MKLN1: variants seen among roughly 807,000 people sequenced by gnomAD.
MKLN1 encodes the protein muskelin.
Under a neutral mutation model 99.0 loss-of-function variants are expected in MKLN1, and 18 were observed. That is an observed-to-expected ratio of 0.18 (90% CI 0.13 to 0.27). MKLN1 has a LOEUF of 0.27. Ranked by LOEUF, MKLN1 falls within the 10% of genes least tolerant of loss-of-function variation. The probability of loss-of-function intolerance (pLI) is 1.00; values close to 1 mark genes in which losing one functional copy is unlikely to be tolerated. For missense variants in MKLN1, 621 were observed against 875.9 expected, an observed-to-expected ratio of 0.71 and a Z score of 3.67; for synonymous variants, 288 against 293.2, an observed-to-expected ratio of 0.98 and a Z score of 0.18.
intron 3 of MKLN1, among the ~76,000 whole-genome samples, chr7:131,299,055 G>A (rs1798337416): frequency 6.6e-6 from 1 of 152,108 alleles, no homozygotes; most frequent in Non-Finnish European, 1.5e-5. Flanking sequence ...GATATTAGAT[G>A]AGTGCACAAA....
chr7:131,405,625 C>T (rs1686818199), intron 6 of MKLN1, among the ~76,000 whole-genome samples: 1 of 151,910 alleles, frequency 6.6e-6, no homozygotes, highest in South Asian at 2.1e-4. Flanking sequence ...TTTAGTTGTG[C>T]TATGAAGTAT....
chr7:131,487,863 C>G lies in MKLN1; in HGVS notation c.*135C>G. ...AGTTCTGAAGGGATCTTAACCATCA[C>G]AAGTTTTTACCCTCTTCCTTCATGC... On this transcript the variant is annotated 3_prime_UTR_variant, in exon 18 of 18. Coordinates refer to ENST00000352689, the MANE Select transcript of MKLN1 (RefSeq NM_013255.5). This position sits in a 1 kb window ranked among gnomAD's most constrained non-coding sequence, Gnocchi z 4.7. 1 of 1,007,236 alleles carries G rather than the reference C, an allele frequency of 9.9e-7. No individual in the cohort carries two copies. The highest frequency in any genetic ancestry group is 1.4e-6 in the Non-Finnish European group (1 of 714,690). The allele number at this position is 1,007,236 out of a possible 1,614,324, so 62.4% of individuals were successfully genotyped here.
intron 1 of MKLN1, among the ~76,000 whole-genome samples, chr7:131,111,904 G>A (rs1345089930): frequency 6.6e-6 from 1 of 152,182 alleles, no homozygotes; most frequent in African/African-American, 2.4e-5. Context: ...TGTGGCATTC[G>A]GAGAACACAG....
intron 2 of MKLN1, among the ~76,000 whole-genome samples, chr7:131,185,910 G>A (rs1796443406): frequency 1.3e-5 from 2 of 152,012 alleles, no homozygotes; most frequent in African/African-American, 4.8e-5. Context: ...AAACATCTGT[G>A]GGCCGGGGGT....
At position 131,492,773 on chromosome 7, in the gene MKLN1, A is replaced by C. The variant is rs981070140; in HGVS notation, c.*5045A>C. The C allele has an allele frequency of 6.6e-6, 1 of 151,804 alleles. No individual in the cohort carries two copies. The highest frequency in any genetic ancestry group is 2.4e-5 in the African/African-American group (1 of 41,174). 9.4% of individuals were successfully genotyped at this position (151,804 alleles called of 1,614,324 possible). A position where few individuals can be genotyped will look rare whatever the true frequency, so the allele number is the denominator to read the frequency against. The stretch of plus-strand genomic sequence containing the variant: ...AAAAAAGAATGTGAATTTAGCTCCA[A>C]TTCCAAATGACTAACTCTTAGGCCA... On this transcript the variant is annotated 3_prime_UTR_variant, in exon 18 of 18. Transcript: ENST00000352689.
chr7:131,231,802 A>T (rs1170084374), intron 3 of MKLN1, among the ~76,000 whole-genome samples: 1 of 152,222 alleles, frequency 6.6e-6, no homozygotes, highest in Non-Finnish European at 1.5e-5. Context: ...GGTTGAAACA[A>T]CTTCAACCAA....
chr7:131,416,721 A>G (rs1301780008), intron 8 of MKLN1, among the ~76,000 whole-genome samples: 3 of 151,930 alleles, frequency 2.0e-5, no homozygotes, highest in Non-Finnish European at 2.9e-5. Flanking sequence ...CTGTCTCGTG[A>G]CTGTAGTTGC....
In MKLN1 at chr7:131,389,018, C is replaced by T. The variant is rs994419166; in HGVS notation, c.400+46C>T. ...AATAGAAACAAATTCTTGATATCAT[C>T]AGTCAGCAAACTATAGCCCATAGAC... On this transcript the variant is annotated intron_variant, in intron 4 of 17. Transcript: ENST00000352689. 23 of 1,337,238 alleles carry T rather than the reference C, an allele frequency of 1.7e-5. No homozygotes were observed. In the African/African-American group the frequency reaches 1.9e-4, roughly 11 times the overall value. 82.8% of individuals were successfully genotyped at this position (1,337,238 alleles called of 1,614,324 possible).
rs539270668 is a variant in MKLN1 at position 131,262,620 on chromosome 7, C to T, written c.-179+59646C>T. On this transcript the variant is annotated intron_variant, in intron 3 of 7. Coordinates refer to the MKLN1 transcript ENST00000416992. ...GGCTGGAATGCAGTGGTGCGATCTC[C>T]GCTCACTGCAACCTCCACCTCCTGG... Among the ~76,000 whole-genome samples, 15 of 151,652 alleles carry T rather than the reference C, an allele frequency of 9.9e-5. No homozygotes were observed. The East Asian group carries it at 1.2e-3, about 12-fold the overall frequency.
At chr7:131,416,979 CAAAAAA>C (rs374145180) in intron 8 of MKLN1, among the ~76,000 whole-genome samples, 1 of 49,580 alleles carries the variant, frequency 2.0e-5, no homozygotes, top group East Asian at 5.3e-4. Context: ...GCAACCCTGT[CAAAAAA>C]AAAAAAAAAA....
chr7:131,422,276 G>A (rs1795228858), intron 8 of MKLN1, among the ~76,000 whole-genome samples: 1 of 152,160 alleles, frequency 6.6e-6, no homozygotes, highest in Non-Finnish European at 1.5e-5. Context: ...GGCCAGACAT[G>A]GTAGCTCATA....
chr7:131,429,641 C>T (rs1203018374), intron 9 of MKLN1, among the ~76,000 whole-genome samples: 1 of 152,086 alleles, frequency 6.6e-6, no homozygotes, highest in East Asian at 1.9e-4. Flanking sequence ...TGCAGTGGCA[C>T]CATCTCGACT....
At chr7:131,246,319 T>C (rs917219142) in intron 3 of MKLN1, among the ~76,000 whole-genome samples, 1 of 152,192 alleles carries the variant, frequency 6.6e-6, no homozygotes, top group Non-Finnish European at 1.5e-5. Flanking sequence ...TTCTTGTGTC[T>C]TCACCCCCAG....
At chr7:131,428,969 A>G in intron 8 of MKLN1, 64 bp from the exon 9 acceptor site, 1 of 1,281,452 alleles carries the variant, frequency 7.8e-7, no homozygotes, top group Non-Finnish European at 1.1e-6. Flanking sequence ...ACAGCTGGCT[A>G]GGTTTGGGTG....
intron 2 of MKLN1, among the ~76,000 whole-genome samples, chr7:131,380,759 G>GTTTT (rs2116863954): frequency 6.6e-6 from 1 of 152,246 alleles, no homozygotes; most frequent in African/African-American, 2.4e-5. Flanking sequence ...ATGTTGATGT[G>GTTTT]TTTTTGAATT....
At chr7:131,411,538 C>T (rs564057083) in intron 7 of MKLN1, among the ~76,000 whole-genome samples, 155 bp downstream of exon 7, 8 of 152,004 alleles carry the variant, frequency 5.3e-5, no homozygotes, top group African/African-American at 1.4e-4. Context: ...TTTTGGAGGC[C>T]GAGGCAGGAG....
chr7:131,142,304 G>A (rs902957420), intron 1 of MKLN1, among the ~76,000 whole-genome samples: 4 of 152,012 alleles, frequency 2.6e-5, no homozygotes, highest in African/African-American at 4.8e-5. Flanking sequence ...CCAGCTACTC[G>A]GGGGGCTGAA....
intron 7 of MKLN1, among the ~76,000 whole-genome samples, chr7:131,411,808 G>A (rs1794883840): frequency 1.3e-5 from 2 of 149,852 alleles, no homozygotes; most frequent in Admixed American, 1.3e-4. Flanking sequence ...TCGGGAGGCT[G>A]GGGTAGGAGA....
intron 1 of MKLN1, among the ~76,000 whole-genome samples, chr7:131,132,895 C>T (rs890488199): frequency 7.8e-6 from 1 of 127,734 alleles, no homozygotes; most frequent in Non-Finnish European, 1.6e-5. Flanking sequence ...CACTGCACTC[C>T]AGCCTGGGTG....
Sources: gnomAD v4.1 joint callset for allele counts (sites outside exome capture counted in the v4.1 genomes callset) on GRCh38, gnomAD v4.1.1 for gene constraint, Gnocchi (gnomAD v3.1) non-coding constraint, MANE v1.5 for transcripts, NCBI Gene and HGNC (gene_info 2026-07-23, HGNC 2026-07-21) for gene names.